Variants in ERC1 observed in about 807,000 individuals in gnomAD.
The protein encoded by ERC1 is RAB6 interacting protein 2.
ERC1 carries 56 observed loss-of-function variants against 132.0 expected under a neutral mutation model. That is an observed-to-expected ratio of 0.42 (90% CI 0.34 to 0.53). The LOEUF (loss-of-function observed/expected upper bound fraction) is 0.53, where lower values mean the gene tolerates loss of function less well. Ranked by LOEUF, ERC1 falls within the 20% of genes least tolerant of loss-of-function variation. The pLI, the probability that ERC1 is intolerant of heterozygous loss-of-function variation, is 0.03. For missense variants in ERC1, 1,202 were observed against 1,349.9 expected (o/e 0.89, Z 1.72); for synonymous variants, 478 against 476.1 (o/e 1.00, Z -0.05).
intron 3 of ERC1, among the ~76,000 whole-genome samples, chr12:1,091,476 G>A (rs1054379673): frequency 6.6e-6 from 1 of 152,088 alleles, no homozygotes; most frequent in Non-Finnish European, 1.5e-5. Context: ...GAGGCTGGAG[G>A]GCAAGAATAT....
chr12:1,242,653 T>C (rs59735530), intron 13 of ERC1, among the ~76,000 whole-genome samples: 6,381 of 152,234 alleles, frequency 0.042, 462 homozygotes, highest in African/African-American at 0.14. Context: ...AATGAGATGA[T>C]ACATGTAAAA....
intron 8 of ERC1, among the ~76,000 whole-genome samples, chr12:1,162,906 A>G (rs920204291): frequency 2.0e-5 from 3 of 152,190 alleles, no homozygotes; most frequent in South Asian, 2.1e-4. Flanking sequence ...TCTTTCCTTT[A>G]CTTATAATTG....
chr12:1,331,825 A>G lies in ERC1; in HGVS notation c.2781-40008A>G, dbSNP rs1005151404. 6.6e-5 allele frequency among the ~76,000 whole-genome samples: 10 copies of G among 152,206 alleles called. No homozygotes were observed. In the South Asian group the frequency reaches 2.1e-3, roughly 32 times the overall value. ...GCTCTGTTCCATTTATGCACCACACATACGTTTAAGTTGTATTTGAGCCCA... is the reference window on the plus strand; with the variant it reads ...GCTCTGTTCCATTTATGCACCACACGTACGTTTAAGTTGTATTTGAGCCCA... On this transcript the variant is annotated intron_variant, in intron 15 of 18. Transcript: ENST00000360905.
At chr12:1,214,662 A>G (rs908729637) in intron 12 of ERC1, among the ~76,000 whole-genome samples, 1 of 62,628 alleles carries the variant, frequency 1.6e-5, no homozygotes, top group Non-Finnish European at 3.3e-5. Context: ...GTGTGTGTAT[A>G]CATACACACA....
chr12:1,348,688 C>T (rs1386590039), intron 15 of ERC1, among the ~76,000 whole-genome samples: 2 of 149,038 alleles, frequency 1.3e-5, no homozygotes, highest in Non-Finnish European at 1.5e-5. Flanking sequence ...GTGAAGACTC[C>T]ATCTAAAAAA....
chr12:1,022,901 A>C (rs1004642940), intron 1 of ERC1, among the ~76,000 whole-genome samples: 9 of 152,158 alleles, frequency 5.9e-5, no homozygotes, highest in Non-Finnish European at 1.0e-4. Flanking sequence ...TACAGGCGTT[A>C]GCCACCGCGC....
chr12:1,007,352 A>G (rs575567291), intron 1 of ERC1, among the ~76,000 whole-genome samples: 1 of 152,220 alleles, frequency 6.6e-6, no homozygotes, highest in Non-Finnish European at 1.5e-5. Context: ...GAGGAAGCCA[A>G]CTAGGAGGCT....
rs979345548 is a variant in ERC1, at chr12:1,027,829, G to C, written c.-75G>C. 5.2e-6 allele frequency: 7 copies of C among 1,351,688 alleles called. No homozygotes were observed. Among genetic ancestry groups the C allele is most frequent in the East Asian group, 2.3e-5 (1 of 43,372 alleles). The allele number at this position is 1,351,688 out of a possible 1,614,324, so 83.7% of individuals were successfully genotyped here. A position where few individuals can be genotyped will look rare whatever the true frequency, so the allele number is the denominator to read the frequency against. ...CCTTAAACCAACTTGTAGCCATAGAGACACCTCACAAGGTTCCCATTTTTG... is the reference window on the plus strand; with the variant it reads ...CCTTAAACCAACTTGTAGCCATAGACACACCTCACAAGGTTCCCATTTTTG... On this transcript the variant is annotated 5_prime_UTR_variant, in exon 2 of 19. Transcript: ENST00000360905.
At chr12:1,401,821 T>G (rs1398665320) in intron 16 of ERC1, among the ~76,000 whole-genome samples, 1 of 151,956 alleles carries the variant, frequency 6.6e-6, no homozygotes, top group East Asian at 1.9e-4. Context: ...ATCTAGTTAT[T>G]CAATTAAAAA....
At chr12:1,426,074 T>G (rs2092626997) in intron 17 of ERC1, among the ~76,000 whole-genome samples, 1 of 152,128 alleles carries the variant, frequency 6.6e-6, no homozygotes, top group African/African-American at 2.4e-5. Context: ...TTGCATAGTA[T>G]CTGAAGTCTA....
At chr12:1,305,027 A>G (rs2080771502) in intron 15 of ERC1, among the ~76,000 whole-genome samples, 1 of 151,494 alleles carries the variant, frequency 6.6e-6, no homozygotes, top group Non-Finnish European at 1.5e-5. Context: ...GGATCCACCC[A>G]CCTTGGCCTC....
intron 18 of ERC1, among the ~76,000 whole-genome samples, chr12:1,475,607 G>A (rs1486455663): frequency 6.6e-6 from 1 of 152,156 alleles, no homozygotes; most frequent in African/African-American, 2.4e-5. Context: ...GACAGGGAAT[G>A]GCAGGTATGT....
chr12:1,279,658 C>CT (rs139054168), intron 14 of ERC1, among the ~76,000 whole-genome samples: 8,674 of 141,744 alleles, frequency 0.061, 292 homozygotes, highest in African/African-American at 0.1. Flanking sequence ...TCAAAGCAGA[C>CT]TTTTTTTTTT....
chr12:1,004,806 C>CTGTGTGTG (rs60674277), intron 1 of ERC1, among the ~76,000 whole-genome samples: 1 of 146,840 alleles, frequency 6.8e-6, no homozygotes, highest in African/African-American at 2.5e-5. Flanking sequence ...CTGCCTTTTT[C>CTGTGTGTG]TGTGTGTGTG....
At chr12:1,445,757 A>G (rs950263306) in intron 18 of ERC1, among the ~76,000 whole-genome samples, 3 of 152,222 alleles carry the variant, frequency 2.0e-5, no homozygotes, top group African/African-American at 7.2e-5. Context: ...TATAAGGGAG[A>G]AGGCTAAGGA....
intron 12 of ERC1, among the ~76,000 whole-genome samples, chr12:1,208,802 A>AG (rs1373111980): frequency 6.6e-6 from 1 of 151,976 alleles, no homozygotes; most frequent in Non-Finnish European, 1.5e-5. Context: ...TTTTGTTTTG[A>AG]GATGAGTCTT....
At chr12:1,132,716 C>CT (rs1948879994) in intron 7 of ERC1, among the ~76,000 whole-genome samples, 1 of 15,762 alleles carries the variant, frequency 6.3e-5, no homozygotes, top group African/African-American at 7.0e-5. Context: ...GATGGAAAGG[C>CT]TTTTTTCTGA....
chr12:1,012,537 A>T (rs1964864731), intron 1 of ERC1, among the ~76,000 whole-genome samples: 1 of 132,254 alleles, frequency 7.6e-6, no homozygotes. Flanking sequence ...TTGTGGCGTG[A>T]TCTTGGCTCC....
At chr12:1,416,994 TG>T (rs1260819551) in intron 17 of ERC1, among the ~76,000 whole-genome samples, 1 of 152,174 alleles carries the variant, frequency 6.6e-6, no homozygotes, top group African/African-American at 2.4e-5. Flanking sequence ...TCTCATTTAA[TG>T]GGAGTATTGA....
Sources: allele counts gnomAD v4.1 joint callset (sites outside exome capture counted in the v4.1 genomes callset), GRCh38; gene constraint gnomAD v4.1.1; transcripts MANE v1.5; gene names NCBI Gene and HGNC (gene_info 2026-07-23, HGNC 2026-07-21).